KCTD8: variants seen among roughly 807,000 people sequenced by gnomAD.
KCTD8 encodes BTB/POZ domain-containing protein KCTD8.
In KCTD8, 27 loss-of-function variants were observed where a neutral mutation model predicts 31.5. The observed-to-expected ratio is 0.86, with a 90% CI of 0.63 to 1.18. KCTD8 has a LOEUF of 1.18. Among genes scored for constraint, KCTD8 ranks in the 50% most tolerant of loss-of-function variants. The pLI, the probability that KCTD8 is intolerant of heterozygous loss-of-function variation, is 0.00. For synonymous variants in KCTD8, 290 were observed against 280.0 expected (o/e 1.04, Z -0.36); for missense variants, 658 against 647.7 (o/e 1.02, Z -0.17).
At chr4:44,216,986 C>T (rs1295551676) in intron 1 of KCTD8, among the ~76,000 whole-genome samples, 1 of 152,100 alleles carries the variant, frequency 6.6e-6, no homozygotes, top group Non-Finnish European at 1.5e-5. Context: ...TGCAAACATG[C>T]ACCTATGTGT....
chr4:44,223,891 G>A (rs1714876725), intron 1 of KCTD8, among the ~76,000 whole-genome samples: 1 of 152,138 alleles, frequency 6.6e-6, no homozygotes, highest in Non-Finnish European at 1.5e-5. Flanking sequence ...ATACTACAAA[G>A]GCAGAGTTGA....
chr4:44,263,732 T>A (rs1488920749), intron 1 of KCTD8, among the ~76,000 whole-genome samples: 1 of 152,154 alleles, frequency 6.6e-6, no homozygotes, highest in Non-Finnish European at 1.5e-5. Flanking sequence ...AGTCTTCAAG[T>A]GACACATGAA....
chr4:44,209,157 G>A (rs562860412), intron 1 of KCTD8, among the ~76,000 whole-genome samples: 174 of 152,010 alleles, frequency 1.1e-3, no homozygotes, highest in Non-Finnish European at 2.2e-3. Flanking sequence ...TTAAAATGGG[G>A]TTTTCTGAAG....
chr4:44,437,750 G>C (rs780154325), intron 1 of KCTD8, among the ~76,000 whole-genome samples: 1 of 152,014 alleles, frequency 6.6e-6, no homozygotes, highest in Admixed American at 6.6e-5. Flanking sequence ...TGAAAAAGAC[G>C]ATCAATTTCT....
chr4:44,448,405 G>T lies in KCTD8; in HGVS notation c.119C>A (p.Ser40Ter), dbSNP rs1722011697. The T allele has an allele frequency of 6.3e-7, 1 of 1,577,270 alleles. No homozygotes were observed. Among genetic ancestry groups the T allele is most frequent in the Middle Eastern group, 1.7e-4 (1 of 5,840 alleles). ...CAGCTCCACTACTTCAGGGAAGGGC[G>T]AGGGTGCGCAGGGCCCCGGGGCGGC... ...AAAAPGPCAP[S>*]PFPEVVELNV... Residue 40 changes from serine (S) to a stop codon, truncating the protein, a stop_gained, in exon 1 of 2, where the codon TCG (serine) becomes TAG (stop). Transcript: ENST00000360029. LOFTEE classifies it high-confidence loss of function. The surrounding 1 kb of genome is among the most constrained non-coding windows in gnomAD (Gnocchi z 4.1).
chr4:44,340,546 G>T (rs1718870235), intron 1 of KCTD8, among the ~76,000 whole-genome samples: 1 of 76,014 alleles, frequency 1.3e-5, no homozygotes, highest in Non-Finnish European at 2.7e-5. Flanking sequence ...CTGACCTCAT[G>T]ATCCACCCCG....
At chr4:44,431,113 A>G (rs560047945) in intron 1 of KCTD8, among the ~76,000 whole-genome samples, 2 of 151,772 alleles carry the variant, frequency 1.3e-5, no homozygotes, top group African/African-American at 4.8e-5. Flanking sequence ...ATAGGTATTA[A>G]GCAACCACTG....
At chr4:44,369,886 A>G (rs972581629) in intron 1 of KCTD8, among the ~76,000 whole-genome samples, 1 of 152,182 alleles carries the variant, frequency 6.6e-6, no homozygotes, top group African/African-American at 2.4e-5. Context: ...TTTCCTGAGC[A>G]CTTACAGTTT....
chr4:44,318,684 A>C (rs893773647), intron 1 of KCTD8, among the ~76,000 whole-genome samples: 1 of 152,198 alleles, frequency 6.6e-6, no homozygotes, highest in African/African-American at 2.4e-5. Flanking sequence ...TTTGAAGAAA[A>C]CAAGTAACGT....
chr4:44,423,584 G>A (rs1721275556), intron 1 of KCTD8, among the ~76,000 whole-genome samples: 1 of 152,004 alleles, frequency 6.6e-6, no homozygotes, highest in South Asian at 2.1e-4. Flanking sequence ...ACAAGAGACA[G>A]TAAATTCATC....
At chr4:44,418,531 A>T (rs1721133133) in intron 1 of KCTD8, among the ~76,000 whole-genome samples, 2 of 152,220 alleles carry the variant, frequency 1.3e-5, no homozygotes, top group Admixed American at 6.5e-5. Flanking sequence ...AAAAGCTAGG[A>T]AACTATCAAG....
intron 1 of KCTD8, among the ~76,000 whole-genome samples, chr4:44,255,847 C>T (rs1715975929): frequency 2.6e-5 from 4 of 152,034 alleles, no homozygotes; most frequent in Admixed American, 2.6e-4. Context: ...ATATCTTAAA[C>T]AGGACACACA....
chr4:44,407,544 G>A (rs1442458375), intron 1 of KCTD8, among the ~76,000 whole-genome samples: 1 of 151,820 alleles, frequency 6.6e-6, no homozygotes. Flanking sequence ...GCGCCACCAT[G>A]CCCAGCTAAT....
intron 1 of KCTD8, among the ~76,000 whole-genome samples, chr4:44,204,689 C>T (rs1273351282): frequency 4.6e-5 from 7 of 152,132 alleles, no homozygotes; most frequent in East Asian, 3.9e-4. Flanking sequence ...GTCTGTGGCT[C>T]GTCCTGCTAC....
At chr4:44,182,499 C>G (rs547629717) in intron 1 of KCTD8, among the ~76,000 whole-genome samples, 1 of 152,176 alleles carries the variant, frequency 6.6e-6, no homozygotes, top group Non-Finnish European at 1.5e-5. Flanking sequence ...CCCAACCATG[C>G]ACTCTCTGAA....
At chr4:44,208,949 T>TTTTG (rs771894227) in intron 1 of KCTD8, among the ~76,000 whole-genome samples, 2 of 152,160 alleles carry the variant, frequency 1.3e-5, no homozygotes, top group East Asian at 1.9e-4. Context: ...TAAGGGAGGA[T>TTTTG]TTTGTTTGTT....
chr4:44,275,356 C>T (rs1171054990), intron 1 of KCTD8, among the ~76,000 whole-genome samples: 8 of 151,956 alleles, frequency 5.3e-5, no homozygotes, highest in Non-Finnish European at 1.0e-4. Flanking sequence ...CTTTCTTCCT[C>T]CTTTCCACCC....
chr4:44,309,777 A>G (rs1245904124), intron 1 of KCTD8, among the ~76,000 whole-genome samples: 1 of 152,134 alleles, frequency 6.6e-6, no homozygotes, highest in Non-Finnish European at 1.5e-5. Flanking sequence ...GAAAATGACA[A>G]AAGGATAATG....
chr4:44,265,683 C>A (rs1024061381), intron 1 of KCTD8, among the ~76,000 whole-genome samples: 3 of 152,006 alleles, frequency 2.0e-5, no homozygotes, highest in Non-Finnish European at 4.4e-5. Flanking sequence ...ATAACCAATA[C>A]AGAGAAGTGC....
Sources: gnomAD v4.1 joint callset for allele counts (sites outside exome capture counted in the v4.1 genomes callset) on GRCh38, gnomAD v4.1.1 for gene constraint, Gnocchi (gnomAD v3.1) non-coding constraint, MANE v1.5 for transcripts, NCBI Gene and HGNC (gene_info 2026-07-23, HGNC 2026-07-21) for gene names.